Variants in MRAP2 observed in about 807,000 individuals in gnomAD.
MRAP2 encodes the protein melanocortin-2 receptor accessory protein 2.
In MRAP2, 20 loss-of-function variants were observed where a neutral mutation model predicts 17.4. That is an observed-to-expected ratio of 1.15 (90% CI 0.81 to 1.67). MRAP2 has a LOEUF of 1.67. Ranked by LOEUF, MRAP2 falls within the 40% of genes most tolerant of loss-of-function variation. The pLI is 0.00. For synonymous variants in MRAP2, 96 were observed against 88.4 expected (o/e 1.09, Z -0.48); for missense variants, 238 against 240.0 (o/e 0.99, Z 0.05).
chr6:84,143,586 G>A, the MRAP2 span, among the ~76,000 whole-genome samples: 7 of 151,764 alleles, frequency 4.6e-5, no homozygotes, highest in African/African-American at 1.7e-4. Flanking sequence ...AAAGGAGAAC[G>A]AAGAACAAAA....
intron 1 of MRAP2, among the ~76,000 whole-genome samples, chr6:84,050,517 A>C (rs984858109): frequency 3.9e-5 from 6 of 152,192 alleles, no homozygotes; most frequent in African/African-American, 1.4e-4. Flanking sequence ...GCAAGGAGGA[A>C]ATTAAGCTTC....
At chr6:84,086,168 T>C (rs2099500391) in intron 3 of MRAP2, among the ~76,000 whole-genome samples, 1 of 152,230 alleles carries the variant, frequency 6.6e-6, no homozygotes, top group South Asian at 2.1e-4. Flanking sequence ...AAAATACTCA[T>C]GCCATATAAC....
upstream of MRAP2, among the ~76,000 whole-genome samples, chr6:84,033,349 A>C (rs111938505): frequency 8.2e-3 from 1,244 of 152,328 alleles, 20 homozygotes; most frequent in African/African-American, 0.028. Context: ...ACCAGTGGGC[A>C]GGAAGAGAAA....
Position 84,090,318 on chromosome 6 carries a change from C to T in MRAP2, c.*837C>T, listed in dbSNP as rs2099501539. ...GGTTGTCTACCAGAATGTCAGGAGA[C>T]TCATCTTACACAGTCATGGTGGCCA... is the stretch of plus-strand genomic sequence containing the variant. On this transcript the variant is annotated 3_prime_UTR_variant, in exon 4 of 4. Transcript: ENST00000257776. 1 of 152,182 alleles carries T rather than the reference C, an allele frequency of 6.6e-6. No homozygotes were observed. The highest frequency in any genetic ancestry group is 2.4e-5 in the African/African-American group (1 of 41,438). The allele number at this position is 152,182 out of a possible 1,614,324, so 9.4% of individuals were successfully genotyped here. A position where few individuals can be genotyped will look rare whatever the true frequency, so the allele number is the denominator to read the frequency against.
At chr6:84,120,364 T>C in the MRAP2 span, among the ~76,000 whole-genome samples, 2 of 152,192 alleles carry the variant, frequency 1.3e-5, no homozygotes, top group East Asian at 3.9e-4. Context: ...GGGTATCTCA[T>C]AATCTAGTGG....
the MRAP2 span, among the ~76,000 whole-genome samples, chr6:84,112,320 G>A: frequency 1.3e-5 from 2 of 152,112 alleles, no homozygotes; most frequent in African/African-American, 4.8e-5. Flanking sequence ...CTTCTTCCTG[G>A]TGTAGACTTG....
At chr6:84,054,096 T>G (rs751319803) in intron 1 of MRAP2, among the ~76,000 whole-genome samples, 17 of 152,296 alleles carry the variant, frequency 1.1e-4, no homozygotes, top group Middle Eastern at 3.4e-3. Flanking sequence ...TTCAAGAATC[T>G]TGAAGCTCAA....
At chr6:84,112,292 G>A in the MRAP2 span, among the ~76,000 whole-genome samples, 3 of 152,260 alleles carry the variant, frequency 2.0e-5, no homozygotes, top group Admixed American at 6.5e-5. Context: ...CTTGTTATTG[G>A]TCTATTCAGG....
At chr6:84,135,372 G>A in the MRAP2 span, among the ~76,000 whole-genome samples, 1 of 152,152 alleles carries the variant, frequency 6.6e-6, no homozygotes, top group Non-Finnish European at 1.5e-5. Flanking sequence ...TTTCTTACTG[G>A]AGAAGACAGA....
chr6:84,104,831 G>A, the MRAP2 span, among the ~76,000 whole-genome samples: 1 of 152,050 alleles, frequency 6.6e-6, no homozygotes, highest in African/African-American at 2.4e-5. Flanking sequence ...TCACACCACT[G>A]CCCTCCAGCC....
chr6:84,088,987 T>C, intron 3 of MRAP2, 104 bp from the exon 4 acceptor site: 1 of 1,267,096 alleles, frequency 7.9e-7, no homozygotes, highest in East Asian at 2.4e-5. Context: ...ACTCAATAGG[T>C]GCTTAGTGGA....
the MRAP2 span, among the ~76,000 whole-genome samples, chr6:84,134,949 CACACACATAT>C: frequency 1.3e-5 from 2 of 151,266 alleles, no homozygotes; most frequent in East Asian, 3.9e-4. Context: ...CACACACACA[CACACACATAT>C]ATAGTGTTAG....
At chr6:84,111,747 A>G in the MRAP2 span, among the ~76,000 whole-genome samples, 1 of 152,142 alleles carries the variant, frequency 6.6e-6, no homozygotes, top group African/African-American at 2.4e-5. Context: ...GGTTTGTCAT[A>G]GATAGCTCTT....
At chr6:84,124,950 G>T in the MRAP2 span, 2 of 744,374 alleles carry the variant, frequency 2.7e-6, no homozygotes, top group Non-Finnish European at 2.2e-6. Context: ...ATGTTGCTTT[G>T]GTTGTTTGCT....
intron 1 of MRAP2, among the ~76,000 whole-genome samples, chr6:84,034,136 G>A (rs550939840): frequency 9.1e-4 from 138 of 152,132 alleles, no homozygotes; most frequent in Non-Finnish European, 1.9e-3. Flanking sequence ...GACGCCGCTG[G>A]GCGTCCGAAA....
chr6:84,119,620 TAACC>T, the MRAP2 span, among the ~76,000 whole-genome samples: 1 of 152,340 alleles, frequency 6.6e-6, no homozygotes, highest in South Asian at 2.1e-4. Flanking sequence ...ACATTAGGGA[TAACC>T]AACTGACATA....
At chr6:84,041,576 T>C (rs1297270010) in intron 1 of MRAP2, among the ~76,000 whole-genome samples, 1 of 152,176 alleles carries the variant, frequency 6.6e-6, no homozygotes, top group Non-Finnish European at 1.5e-5. Flanking sequence ...GCCACAGGGG[T>C]GAAGCTGCCC....
the MRAP2 span, among the ~76,000 whole-genome samples, chr6:84,131,256 A>G: frequency 2.6e-5 from 4 of 152,158 alleles, no homozygotes; most frequent in Non-Finnish European, 5.9e-5. Context: ...GCATTTGCTG[A>G]GGAGTGTTTT....
At position 84,055,413 on chromosome 6, in the gene MRAP2, CA is replaced by C; in HGVS notation, c.96del (p.Val33PhefsTer6). The C allele has an allele frequency of 6.2e-7, 1 of 1,612,650 alleles. No homozygotes were observed. The highest frequency in any genetic ancestry group is 8.5e-7 in the Non-Finnish European group (1 of 1,179,554). On this transcript the variant is annotated frameshift_variant, in exon 2 of 4. Coordinates refer to ENST00000257776, the MANE Select transcript of MRAP2 (RefSeq NM_138409.4). LOFTEE classifies it high-confidence loss of function. The part of the protein sequence containing the change: ...TWEYEYYEIG[P>X]VSFEGLKAHK... ...GAATATGAATATTATGAGATTGGAC[CA>C]GTTTCCTTTGAAGGACTGAAGGCTC...
Sources: gnomAD v4.1 joint callset for allele counts (sites outside exome capture counted in the v4.1 genomes callset) on GRCh38, gnomAD v4.1.1 for gene constraint, MANE v1.5 for transcripts, NCBI Gene and HGNC (gene_info 2026-07-23, HGNC 2026-07-21) for gene names.